MYT1L: variants seen among roughly 807,000 people sequenced by gnomAD.
The protein encoded by MYT1L is myelin transcription factor 1 like.
Under a neutral mutation model 126.7 loss-of-function variants are expected in MYT1L, and 12 were observed. The ratio of observed to expected loss-of-function variants is 0.09; its 90% confidence interval spans 0.06 to 0.15. MYT1L has a LOEUF of 0.15. Ranked by LOEUF, MYT1L falls within the 10% of genes least tolerant of loss-of-function variation. The probability of loss-of-function intolerance (pLI) is 1.00; values close to 1 mark genes in which losing one functional copy is unlikely to be tolerated. For missense variants in MYT1L, 979 were observed against 1,585.2 expected (o/e 0.62, Z 6.49); for synonymous variants, 541 against 604.2 (o/e 0.90, Z 1.53).
At chr2:2,200,334 A>G (rs2093009141) in intron 2 of MYT1L, among the ~76,000 whole-genome samples, 1 of 152,200 alleles carries the variant, frequency 6.6e-6, no homozygotes, top group African/African-American at 2.4e-5. Flanking sequence ...AAATAAAGAA[A>G]TCAAGGTGTC....
At chr2:1,993,244 T>C (rs1009687488) in intron 5 of MYT1L, among the ~76,000 whole-genome samples, 9 of 152,192 alleles carry the variant, frequency 5.9e-5, no homozygotes, top group South Asian at 2.1e-4. Flanking sequence ...GGTGAACCCC[T>C]TGGGCGGTTA....
chr2:2,057,062 G>A (rs1026842547), intron 3 of MYT1L, among the ~76,000 whole-genome samples: 13 of 152,122 alleles, frequency 8.5e-5, no homozygotes, highest in African/African-American at 3.1e-4. Flanking sequence ...AGCACATACA[G>A]GCAGAACGAC....
chr2:1,990,017 C>A (rs74602569), intron 5 of MYT1L, among the ~76,000 whole-genome samples: 1 of 152,176 alleles, frequency 6.6e-6, no homozygotes, highest in Non-Finnish European at 1.5e-5. Flanking sequence ...CAAACAACAA[C>A]AAAAACCACT....
intron 3 of MYT1L, among the ~76,000 whole-genome samples, chr2:2,102,810 C>A (rs943439805): frequency 6.6e-6 from 1 of 152,068 alleles, no homozygotes; most frequent in African/African-American, 2.4e-5. Flanking sequence ...TGGTCTCTAA[C>A]TTCAGCCCAC....
At chr2:2,244,406 A>G (rs1032077328) in intron 2 of MYT1L, among the ~76,000 whole-genome samples, 3 of 152,192 alleles carry the variant, frequency 2.0e-5, no homozygotes, top group African/African-American at 7.2e-5. Flanking sequence ...TGCCTCCCAC[A>G]GTGCTTTATG....
rs568460358 is a variant in MYT1L, at chr2:1,893,501, G to A, written c.2033-1214C>T. Among the ~76,000 whole-genome samples the A allele has an allele frequency of 3.3e-5, 5 of 152,204 alleles. No homozygotes were observed. In the East Asian group the frequency reaches 5.8e-4, roughly 18 times the overall value. On this transcript the variant is annotated intron_variant, in intron 14 of 24. Transcript: ENST00000647738. ...TGATAGGCTAGAGACACTCTAGCCCGGGTTCTCCTGGTGCTTAGGGCTGCC... is the reference window on the plus strand; with the variant it reads ...TGATAGGCTAGAGACACTCTAGCCCAGGTTCTCCTGGTGCTTAGGGCTGCC...
chr2:1,815,179 C>T (rs1450241689), intron 21 of MYT1L, among the ~76,000 whole-genome samples: 4 of 152,104 alleles, frequency 2.6e-5, no homozygotes, highest in African/African-American at 7.2e-5. Context: ...CAGTGAGCTC[C>T]GGCCGCCACA....
chr2:1,867,368 C>G (rs1451270932), intron 18 of MYT1L, among the ~76,000 whole-genome samples: 1 of 152,164 alleles, frequency 6.6e-6, no homozygotes, highest in African/African-American at 2.4e-5. Context: ...TTGGCTCTCA[C>G]CCCGGTGCCC....
intron 18 of MYT1L, among the ~76,000 whole-genome samples, chr2:1,859,055 T>C (rs1170002598): frequency 2.6e-5 from 4 of 152,208 alleles, no homozygotes; most frequent in East Asian, 1.9e-4. Flanking sequence ...CTCTTGTCAC[T>C]AAGCTTCAGC....
chr2:2,263,559 G>GCTGGA (rs1187762079), intron 2 of MYT1L, among the ~76,000 whole-genome samples: 1 of 152,156 alleles, frequency 6.6e-6, no homozygotes, highest in African/African-American at 2.4e-5. Flanking sequence ...CTGGTGCTGG[G>GCTGGA]GTTTGCAGCA....
At chr2:2,247,344 T>C (rs1182181526) in intron 2 of MYT1L, among the ~76,000 whole-genome samples, 1 of 152,194 alleles carries the variant, frequency 6.6e-6, no homozygotes, top group Non-Finnish European at 1.5e-5. Context: ...GAATTGCATA[T>C]ATATATGCTC....
Position 1,979,236 on chromosome 2 carries a change from G to C in MYT1L, c.90-9C>G. On this transcript the variant is annotated splice_polypyrimidine_tract_variant and intron_variant, in intron 7 of 24. Coordinates refer to ENST00000647738, the MANE Select transcript of MYT1L (RefSeq NM_001303052.2). This position sits in a 1 kb window ranked among gnomAD's most constrained non-coding sequence, Gnocchi z 4.0. ...AGCCAGGGGTGGGACAGCTGCAACA[G>C]GAAAGAATGGATTACACGGTGCCGC... 1 of 1,613,200 alleles carries C rather than the reference G, an allele frequency of 6.2e-7. No individual in the cohort carries two copies. The highest frequency in any genetic ancestry group is 8.5e-7 in the Non-Finnish European group (1 of 1,179,348).
chr2:2,167,823 T>C (rs1428608477), intron 3 of MYT1L, among the ~76,000 whole-genome samples: 1 of 152,232 alleles, frequency 6.6e-6, no homozygotes, highest in Non-Finnish European at 1.5e-5. Flanking sequence ...GTTGTTGTTA[T>C]ACTCTCACCC....
intron 3 of MYT1L, among the ~76,000 whole-genome samples, chr2:2,132,785 T>A (rs2082550604): frequency 6.6e-6 from 1 of 152,022 alleles, no homozygotes; most frequent in South Asian, 2.1e-4. Context: ...AGAATCTATG[T>A]GATATGAATA....
chr2:1,838,892 G>A (rs2041254902), intron 21 of MYT1L, among the ~76,000 whole-genome samples: 1 of 152,182 alleles, frequency 6.6e-6, no homozygotes, highest in Non-Finnish European at 1.5e-5. Context: ...GTGGATTCTA[G>A]TTTCAAAAAC....
chr2:2,188,456 C>T (rs974328953), intron 2 of MYT1L, among the ~76,000 whole-genome samples: 3 of 152,180 alleles, frequency 2.0e-5, no homozygotes, highest in Non-Finnish European at 4.4e-5. Context: ...CGATAGGAGC[C>T]GTGCACAAGC....
At chr2:2,263,327 C>T (rs1236050845) in intron 2 of MYT1L, among the ~76,000 whole-genome samples, 2 of 151,958 alleles carry the variant, frequency 1.3e-5, no homozygotes, top group African/African-American at 2.4e-5. Flanking sequence ...CCAGGGTTAA[C>T]GACGCCCTCT....
chr2:2,280,736 G>T (rs1482949839), intron 2 of MYT1L, among the ~76,000 whole-genome samples: 1 of 152,208 alleles, frequency 6.6e-6, no homozygotes, highest in Non-Finnish European at 1.5e-5. Flanking sequence ...TCAGGAGGTG[G>T]AGAGGAAGCT....
intron 1 of MYT1L, among the ~76,000 whole-genome samples, chr2:2,295,537 TAG>T (rs1168226393): frequency 4.6e-4 from 15 of 32,514 alleles, no homozygotes; most frequent in Admixed American, 7.6e-4. Context: ...CAGAGAAAGA[TAG>T]AGAGAGAGAG....
Sources: gnomAD v4.1 joint callset for allele counts (sites outside exome capture counted in the v4.1 genomes callset) on GRCh38, gnomAD v4.1.1 for gene constraint, Gnocchi (gnomAD v3.1) non-coding constraint, MANE v1.5 for transcripts, NCBI Gene and HGNC (gene_info 2026-07-23, HGNC 2026-07-21) for gene names.